SVOP: variants seen among roughly 807,000 people sequenced by gnomAD.
SVOP encodes the protein SV2 related protein, also known as synaptic vesicle 2-related protein.
SVOP carries 17 observed loss-of-function variants against 69.1 expected under a neutral mutation model. The observed-to-expected ratio is 0.25, with a 90% CI of 0.17 to 0.37. The LOEUF (loss-of-function observed/expected upper bound fraction) is 0.37, where lower values mean the gene tolerates loss of function less well. Among genes scored for constraint, SVOP ranks in the 10% least tolerant of loss-of-function variants. SVOP has a pLI of 1.00. For missense variants in SVOP, 435 were observed against 597.5 expected (o/e 0.73, Z 2.84); for synonymous variants, 238 against 238.6 (o/e 1.00, Z 0.02).
At chr12:108,928,678 C>T (rs2039797061) in intron 11 of SVOP, among the ~76,000 whole-genome samples, 1 of 151,898 alleles carries the variant, frequency 6.6e-6, no homozygotes, top group Non-Finnish European at 1.5e-5. Flanking sequence ...GCGATCCTCC[C>T]AGTTCAGCCT....
intron 5 of SVOP, among the ~76,000 whole-genome samples, chr12:108,965,231 C>T (rs565126565): frequency 6.6e-6 from 1 of 152,324 alleles, no homozygotes; most frequent in South Asian, 2.1e-4. Flanking sequence ...TTGTTATTTT[C>T]ATGTCTACTT....
intron 4 of SVOP, 37 bp from the exon 5 acceptor site, chr12:108,972,513 T>C: frequency 6.5e-7 from 1 of 1,529,772 alleles, no homozygotes; most frequent in Non-Finnish European, 8.8e-7. Context: ...AGACAGAGGA[T>C]GTGGATCATT....
In SVOP at chr12:108,909,910, T is replaced by G. The variant is rs1047295264; in HGVS notation, c.*2625A>C. ...ATAGCTCTTGTATCATTTGATAATA[T>G]TGATTTTTTTGAAAAAGGCAGGCTA... On this transcript the variant is annotated 3_prime_UTR_variant, in exon 16 of 16. Coordinates refer to ENST00000610966, the MANE Select transcript of SVOP (RefSeq NM_018711.5). 2.6e-5 allele frequency: 4 copies of G among 152,268 alleles called. No individual in the cohort carries two copies. The highest frequency in any genetic ancestry group is 9.6e-5 in the African/African-American group (4 of 41,458). 9.4% of individuals were successfully genotyped at this position (152,268 alleles called of 1,614,324 possible).
At chr12:108,967,362 G>T (rs1431564655) in intron 5 of SVOP, among the ~76,000 whole-genome samples, 1 of 152,054 alleles carries the variant, frequency 6.6e-6, no homozygotes, top group Non-Finnish European at 1.5e-5. Flanking sequence ...AGCCTGGCCT[G>T]GTGGCACGTG....
Position 108,909,598 on chromosome 12 carries a change from A to C in SVOP, c.*2937T>G, listed in dbSNP as rs1349415389. ...TATATTAAAAACAATGAATTTCCAT[A>C]CTAATTTCAAAGTCAATTCCTAAGA... On this transcript the variant is annotated 3_prime_UTR_variant, in exon 16 of 16. Transcript: ENST00000610966. 1 of 152,184 alleles carries C rather than the reference A, an allele frequency of 6.6e-6. No homozygotes were observed. Among genetic ancestry groups the C allele is most frequent in the Non-Finnish European group, 1.5e-5 (1 of 68,024 alleles). 9.4% of individuals were successfully genotyped at this position (152,184 alleles called of 1,614,324 possible).
chr12:109,012,719 GGAGTTTGAGACCAGCCTGGACAACATAGC>G (rs1481526681), intron 1 of SVOP, among the ~76,000 whole-genome samples: 3 of 152,104 alleles, frequency 2.0e-5, no homozygotes, highest in Admixed American at 6.6e-5. Flanking sequence ...TTTGAGTCCA[GGAGTTTGAGACCAGCCTGGACAACATAGC>G]GAAACCCCGT....
intron 1 of SVOP, among the ~76,000 whole-genome samples, chr12:109,011,175 C>T (rs1249462158): frequency 1.3e-5 from 2 of 152,148 alleles, no homozygotes; most frequent in African/African-American, 4.8e-5. Flanking sequence ...TTGGCCCCCA[C>T]CAAAGTGCTG....
At chr12:108,977,011 A>G (rs1361444791) in intron 4 of SVOP, among the ~76,000 whole-genome samples, 6 of 152,208 alleles carry the variant, frequency 3.9e-5, no homozygotes, top group Non-Finnish European at 8.8e-5. Context: ...AGGGAGCAAT[A>G]GCTCCAATTT....
In SVOP at chr12:108,912,098, G is replaced by T; in HGVS notation, c.*437C>A. 1.2e-6 allele frequency: 1 copy of T among 815,208 alleles called. No individual in the cohort carries two copies. The highest frequency in any genetic ancestry group is 1.5e-6 in the Non-Finnish European group (1 of 669,236). The allele number at this position is 815,208 out of a possible 1,614,324, so 50.5% of individuals were successfully genotyped here. A position where few individuals can be genotyped will look rare whatever the true frequency, so the allele number is the denominator to read the frequency against. On this transcript the variant is annotated 3_prime_UTR_variant, in exon 16 of 16. Coordinates refer to ENST00000610966, the MANE Select transcript of SVOP (RefSeq NM_018711.5). ...TTCAAAGAAGAAAGCCTGGGGCTGTGAGTGTGGGAGAAACCTACTGAACAG... is the reference window on the plus strand; with the variant it reads ...TTCAAAGAAGAAAGCCTGGGGCTGTTAGTGTGGGAGAAACCTACTGAACAG...
chr12:108,946,366 C>T (rs2039923025), intron 6 of SVOP, among the ~76,000 whole-genome samples: 1 of 152,074 alleles, frequency 6.6e-6, no homozygotes, highest in Non-Finnish European at 1.5e-5. Context: ...TCCCAAAGCG[C>T]TAGGATTACA....
chr12:108,933,548 G>A (rs1004073023), intron 11 of SVOP, among the ~76,000 whole-genome samples: 4 of 151,630 alleles, frequency 2.6e-5, no homozygotes, highest in African/African-American at 9.7e-5. Flanking sequence ...AGACATGGTG[G>A]TGCCACCTGT....
At chr12:109,018,614 C>G (rs1368406499) in intron 1 of SVOP, among the ~76,000 whole-genome samples, 1 of 152,038 alleles carries the variant, frequency 6.6e-6, no homozygotes, top group Non-Finnish European at 1.5e-5. Flanking sequence ...ACATCTAAAT[C>G]GTGATTTGTA....
At position 108,912,702 on chromosome 12, in the gene SVOP, A is replaced by G; in HGVS notation, c.1480T>C (p.Tyr494His). ...ESSVYLTLAV[Y>H]SGCCLLAALA... Reference sequence around the variant, plus strand: ...GCAGCCAGGAGGCAGCAGCCACTGTAAACTGCCAGAGTCAGGTACACAGAG... The same window carrying G: ...GCAGCCAGGAGGCAGCAGCCACTGTGAACTGCCAGAGTCAGGTACACAGAG... The change falls in exon 16 of 16, where the codon TAC becomes CAC. Residue 494 changes from tyrosine to histidine, a missense_variant. Tyr to His is a moderately conservative substitution (Grantham distance 83, BLOSUM62 2). Coordinates refer to ENST00000610966, the MANE Select transcript of SVOP (RefSeq NM_018711.5). 6.2e-7 allele frequency: 1 copy of G among 1,613,980 alleles called. No homozygotes were observed. The highest frequency in any genetic ancestry group is 8.5e-7 in the Non-Finnish European group (1 of 1,179,896).
chr12:108,991,552 T>C (rs2040200694), intron 1 of SVOP, among the ~76,000 whole-genome samples: 1 of 151,730 alleles, frequency 6.6e-6, no homozygotes. Context: ...GCCTCCCGAG[T>C]TCAAGCAATC....
intron 6 of SVOP, among the ~76,000 whole-genome samples, chr12:108,957,267 G>A (rs2039990767): frequency 1.3e-5 from 2 of 152,112 alleles, no homozygotes; most frequent in South Asian, 2.1e-4. Context: ...GGGTTCAAGG[G>A]ATTCTCCTGC....
chr12:108,932,872 A>G (rs1255702989), intron 11 of SVOP, among the ~76,000 whole-genome samples: 3 of 152,056 alleles, frequency 2.0e-5, no homozygotes, highest in Admixed American at 2.0e-4. Flanking sequence ...TTACTCCCAA[A>G]TATAATTCTT....
At chr12:108,969,686 CCTT>C (rs1426980562) in intron 5 of SVOP, among the ~76,000 whole-genome samples, 8 of 151,912 alleles carry the variant, frequency 5.3e-5, no homozygotes, top group Non-Finnish European at 1.2e-4. Context: ...TCCCTCCCTC[CCTT>C]CTTCTTTACT....
chr12:109,015,420 G>A (rs941158821), intron 1 of SVOP, among the ~76,000 whole-genome samples: 1 of 152,196 alleles, frequency 6.6e-6, no homozygotes, highest in African/African-American at 2.4e-5. Flanking sequence ...CAATCCCAGT[G>A]AGAGAGGATG....
chr12:108,933,270 T>C (rs2039832812), intron 11 of SVOP, among the ~76,000 whole-genome samples: 1 of 152,140 alleles, frequency 6.6e-6, no homozygotes, highest in African/African-American at 2.4e-5. Flanking sequence ...CCAGCTACTT[T>C]GGGGGCTGAA....
Sources: allele counts gnomAD v4.1 joint callset (sites outside exome capture counted in the v4.1 genomes callset), GRCh38; gene constraint gnomAD v4.1.1; transcripts MANE v1.5; gene names NCBI Gene and HGNC (gene_info 2026-07-23, HGNC 2026-07-21).